CWC22: variants seen among roughly 807,000 people sequenced by gnomAD.
CWC22 encodes pre-mRNA-splicing factor CWC22 homolog.
CWC22 carries 53 observed loss-of-function variants against 117.2 expected under a neutral mutation model. The observed-to-expected ratio is 0.45, with a 90% CI of 0.36 to 0.57. CWC22 has a LOEUF of 0.57. Among genes scored for constraint, CWC22 ranks in the 20% least tolerant of loss-of-function variants. CWC22 has a pLI of 0.00. For synonymous variants in CWC22, 360 were observed against 355.6 expected (o/e 1.01, Z -0.14); for missense variants, 980 against 1,068.8 (o/e 0.92, Z 1.16).
chr2:179,990,899 G>A lies in CWC22; in HGVS notation c.28-2255C>T, dbSNP rs116977609. On this transcript the variant is annotated intron_variant, in intron 2 of 19. Coordinates refer to ENST00000410053, the MANE Select transcript of CWC22 (RefSeq NM_020943.3). Reference sequence around the variant, plus strand: ...TGGCATACAGTGCTAACGGATGAAAGTGGGAAAACGGGGACTTGAATTTGG... The same window carrying A: ...TGGCATACAGTGCTAACGGATGAAAATGGGAAAACGGGGACTTGAATTTGG... Among the ~76,000 whole-genome samples the A allele has an allele frequency of 3.2e-3, 489 of 152,330 alleles. 7 individuals carry two copies. The highest frequency in any genetic ancestry group is 0.02 in the East Asian group (106 of 5,188).
chr2:179,972,914 C>T (rs1044996084), intron 8 of CWC22, among the ~76,000 whole-genome samples: 1 of 151,644 alleles, frequency 6.6e-6, no homozygotes, highest in African/African-American at 2.4e-5. Context: ...GAGGCTGAGG[C>T]AGGAGAATGG....
intron 13 of CWC22, among the ~76,000 whole-genome samples, chr2:179,960,111 G>C (rs1686709540): frequency 6.6e-6 from 1 of 151,952 alleles, no homozygotes; most frequent in African/African-American, 2.4e-5. Context: ...ACTACAAACT[G>C]GTCACTCAAA....
chr2:179,956,878 A>C (rs1272182768), intron 14 of CWC22, among the ~76,000 whole-genome samples: 2 of 152,002 alleles, frequency 1.3e-5, no homozygotes, highest in Non-Finnish European at 2.9e-5. Flanking sequence ...ACTGCTATGC[A>C]CTACTTGCAA....
At chr2:179,973,316 C>T (rs941844347) in intron 7 of CWC22, 70 bp from the exon 8 acceptor site, 4 of 1,021,318 alleles carry the variant, frequency 3.9e-6, no homozygotes, top group African/African-American at 1.6e-5. Context: ...TAATCTATGG[C>T]CTACTAACAT....
intron 17 of CWC22, among the ~76,000 whole-genome samples, chr2:179,951,993 A>G (rs1686462664): frequency 6.6e-6 from 1 of 152,112 alleles, no homozygotes; most frequent in Non-Finnish European, 1.5e-5. Flanking sequence ...GTAGAAGTCA[A>G]CCTAAGTGGC....
chr2:179,956,849 A>G (rs944482200), intron 14 of CWC22, among the ~76,000 whole-genome samples: 3 of 152,008 alleles, frequency 2.0e-5, no homozygotes, highest in African/African-American at 4.8e-5. Flanking sequence ...ACAACAAAAC[A>G]TGGTAATATG....
At chr2:179,960,102 C>T (rs551274898) in intron 13 of CWC22, among the ~76,000 whole-genome samples, 32 of 152,070 alleles carry the variant, frequency 2.1e-4, no homozygotes, top group Non-Finnish European at 3.7e-4. Flanking sequence ...TGTTTTCCCA[C>T]TACAAACTGG....
chr2:180,004,708 G>A (rs1687930154), intron 1 of CWC22, among the ~76,000 whole-genome samples: 1 of 144,788 alleles, frequency 6.9e-6, no homozygotes, highest in Non-Finnish European at 1.5e-5. Flanking sequence ...TCCCCCCCAG[G>A]AGAGTTAACT....
intron 11 of CWC22, among the ~76,000 whole-genome samples, chr2:179,968,360 C>G (rs1686943838): frequency 6.6e-6 from 1 of 152,064 alleles, no homozygotes; most frequent in African/African-American, 2.4e-5. Flanking sequence ...CTTTTTCTAA[C>G]TACATATCTA....
Position 179,945,658 on chromosome 2 carries a change from A to G in CWC22, c.2198T>C (p.Leu733Ser). ...GKTRSKEVDKLIRNQQTNDRK... is the reference protein window; with the variant it reads ...GKTRSKEVDKSIRNQQTNDRK... Reference sequence around the variant, plus strand: ...ATCATTTGTTTGCTGGTTTCTGATCAATTTATCTACCTCTTTACTTCTGGT... The same window carrying G: ...ATCATTTGTTTGCTGGTTTCTGATCGATTTATCTACCTCTTTACTTCTGGT... Residue 733 changes from leucine (L) to serine (S), a missense_variant, in exon 20 of 20, where the codon TTG (leucine) becomes TCG (serine). Physicochemically the swap from Leu to Ser is moderately radical, Grantham distance 145. Coordinates refer to ENST00000410053, the MANE Select transcript of CWC22 (RefSeq NM_020943.3). 6.2e-7 allele frequency: 1 copy of G among 1,610,976 alleles called. No homozygotes were observed. Among genetic ancestry groups the G allele is most frequent in the Non-Finnish European group, 8.5e-7 (1 of 1,179,466 alleles).
At chr2:179,973,273 C>A in intron 7 of CWC22, 27 bp from the exon 8 acceptor site, 1 of 1,561,628 alleles carries the variant, frequency 6.4e-7, no homozygotes. Flanking sequence ...GAAAGTTAAC[C>A]TATAAACTAA....
rs188075834 is a variant in CWC22, at chr2:179,978,747, A to G, written c.453-429T>C. Among the ~76,000 whole-genome samples, 341 of 152,284 alleles carry G rather than the reference A, an allele frequency of 2.2e-3. 4 individuals are homozygous for G. Among genetic ancestry groups the G allele is most frequent in the Admixed American group, 4.1e-3 (63 of 15,306 alleles). On this transcript the variant is annotated intron_variant, in intron 5 of 19. Transcript: ENST00000410053. ...ATACCCAAATATAAGCCACAAAAAA[A>G]ATTTGTATGTCCCTTCTCATAAAAA...
At chr2:179,970,453 A>AT in intron 11 of CWC22, 48 bp downstream of exon 11, 1 of 1,426,544 alleles carries the variant, frequency 7.0e-7, no homozygotes, top group Non-Finnish European at 9.5e-7. Flanking sequence ...AACTACTTAA[A>AT]TTGCTTCTAC....
At chr2:179,993,542 C>T (rs1337654124) in intron 1 of CWC22, 88 bp from the exon 2 acceptor site, 9 of 499,198 alleles carry the variant, frequency 1.8e-5, no homozygotes, top group Non-Finnish European at 2.5e-5. Context: ...GACATTTGAC[C>T]GCTTTATTTT....
At chr2:180,000,149 T>C (rs1687808991) in intron 1 of CWC22, among the ~76,000 whole-genome samples, 2 of 152,316 alleles carry the variant, frequency 1.3e-5, no homozygotes, top group South Asian at 2.1e-4. Flanking sequence ...TTAATTTACA[T>C]ATTAGTGAAA....
chr2:179,982,388 G>C (rs1180695275), intron 4 of CWC22, among the ~76,000 whole-genome samples: 1 of 152,134 alleles, frequency 6.6e-6, no homozygotes, highest in Non-Finnish European at 1.5e-5. Flanking sequence ...CATATGTAAA[G>C]ACTTTAAGGT....
chr2:179,970,328 C>G (rs1686999037), intron 11 of CWC22, among the ~76,000 whole-genome samples, 173 bp downstream of exon 11: 1 of 151,662 alleles, frequency 6.6e-6, no homozygotes, highest in Admixed American at 6.6e-5. Flanking sequence ...AGTAAAAAAC[C>G]CTGGGCAAGC....
At chr2:179,990,189 T>A (rs1402219090) in intron 2 of CWC22, among the ~76,000 whole-genome samples, 2 of 152,198 alleles carry the variant, frequency 1.3e-5, no homozygotes, top group East Asian at 3.8e-4. Context: ...TCAACCATTT[T>A]AAAATTCTGT....
At chr2:179,954,828 G>A in intron 15 of CWC22, 129 bp downstream of exon 15, 1 of 617,574 alleles carries the variant, frequency 1.6e-6, no homozygotes, top group Non-Finnish European at 2.9e-6. Context: ...GGAAACCTGA[G>A]GAAGGAGAGA....
Sources: gnomAD v4.1 joint callset for allele counts (sites outside exome capture counted in the v4.1 genomes callset) on GRCh38, gnomAD v4.1.1 for gene constraint, MANE v1.5 for transcripts, NCBI Gene and HGNC (gene_info 2026-07-23, HGNC 2026-07-21) for gene names.